ACAP2: variants seen among roughly 807,000 people sequenced by gnomAD.
ACAP2 encodes the protein arf-GAP with coiled-coil, ANK repeat and PH domain-containing protein 2.
In ACAP2, 39 loss-of-function variants were observed where a neutral mutation model predicts 115.8. The ratio of observed to expected loss-of-function variants is 0.34; its 90% CI spans 0.26 to 0.44. The LOEUF (loss-of-function observed/expected upper bound fraction) is 0.44, where lower values mean the gene tolerates loss of function less well. ACAP2 is among the 20% of genes least tolerant of loss of function. ACAP2 has a pLI of 1.00. For missense variants in ACAP2, 662 were observed against 927.6 expected (o/e 0.71, Z 3.72); for synonymous variants, 289 against 315.8 (o/e 0.92, Z 0.90).
chr3:195,290,157 A>G (rs1307723570), intron 20 of ACAP2, among the ~76,000 whole-genome samples: 3 of 152,190 alleles, frequency 2.0e-5, no homozygotes, highest in Non-Finnish European at 4.4e-5. Flanking sequence ...GAATCACTTG[A>G]GGTCAGAAGT....
intron 4 of ACAP2, among the ~76,000 whole-genome samples, chr3:195,348,199 T>C (rs138244817): frequency 2.6e-5 from 4 of 152,222 alleles, no homozygotes; most frequent in East Asian, 1.9e-4. Context: ...AAATGCAGCA[T>C]AATATACCTT....
chr3:195,436,133 AT>A (rs201946104), intron 1 of ACAP2, among the ~76,000 whole-genome samples: 6,987 of 110,382 alleles, frequency 0.063, 212 homozygotes, highest in African/African-American at 0.14. Flanking sequence ...ATATATATAT[AT>A]TTTTTTTTTT....
chr3:195,332,540 CTTCA>C (rs1266261771), intron 8 of ACAP2, among the ~76,000 whole-genome samples: 1 of 152,074 alleles, frequency 6.6e-6, no homozygotes, highest in East Asian at 1.9e-4. Flanking sequence ...CAACTTCATT[CTTCA>C]TTAAGTAAAT....
intron 8 of ACAP2, among the ~76,000 whole-genome samples, chr3:195,332,723 C>A (rs377629526): frequency 1.3e-5 from 2 of 152,140 alleles, no homozygotes; most frequent in African/African-American, 4.8e-5. Flanking sequence ...TGAGCTCTCA[C>A]GAGATCTGAT....
intron 10 of ACAP2, among the ~76,000 whole-genome samples, chr3:195,316,055 T>C (rs1577287680): frequency 6.6e-6 from 1 of 152,322 alleles, no homozygotes; most frequent in Middle Eastern, 3.4e-3. Context: ...TATGTTTCTA[T>C]GGATTTACTG....
At chr3:195,294,522 G>C (rs6778719) in intron 18 of ACAP2, among the ~76,000 whole-genome samples, 197 bp downstream of exon 18, 72,721 of 146,688 alleles carry the variant, frequency 0.5, 19,124 homozygotes, top group Middle Eastern at 0.7. Context: ...AGGTTGCAGT[G>C]AGCCAAGATC....
At position 195,299,792 on chromosome 3, in the gene ACAP2, C is replaced by T. The variant is rs187565203; in HGVS notation, c.1395+1783G>A. ...GGTGGAGCTTGCAGTGAGTCAAGAT[C>T]GCGCCACTGCACTCCAGCTTGGGCG... On this transcript the variant is annotated intron_variant, in intron 15 of 22. Coordinates refer to ENST00000326793, the MANE Select transcript of ACAP2 (RefSeq NM_012287.6). Among the ~76,000 whole-genome samples the T allele has an allele frequency of 3.3e-5, 5 of 150,828 alleles. No individual in the cohort carries two copies. In the East Asian group the frequency reaches 9.8e-4, roughly 30 times the overall value.
chr3:195,385,667 C>T (rs1361496233), intron 2 of ACAP2, among the ~76,000 whole-genome samples: 11 of 151,992 alleles, frequency 7.2e-5, no homozygotes, highest in African/African-American at 2.7e-4. Context: ...ATCCTGAGGT[C>T]TTGAAGAGCC....
rs888367247 is a variant in ACAP2 at position 195,289,231 on chromosome 3, C to T, written c.2064G>A (p.Gly688=). The change falls in exon 21 of 23, where the codon GGG becomes GGA. Residue 688 remains glycine (G), a splice_region_variant and synonymous_variant. Coordinates refer to ENST00000326793, the MANE Select transcript of ACAP2 (RefSeq NM_012287.6). ...LHHATVLGHT[G]QVCLFLKRGA... Reference sequence around the variant, plus strand: ...CTCGTTTTAGGAATAAACATACCTGCCTGTTTAAGAACACAGCATTTTTGA... The same window carrying T: ...CTCGTTTTAGGAATAAACATACCTGTCTGTTTAAGAACACAGCATTTTTGA... The T allele has an allele frequency of 6.2e-7, 1 of 1,604,756 alleles. No individual in the cohort carries two copies. Among genetic ancestry groups the T allele is most frequent in the Non-Finnish European group, 8.5e-7 (1 of 1,174,744 alleles).
chr3:195,393,243 GA>G (rs1316761226), intron 1 of ACAP2, among the ~76,000 whole-genome samples: 1 of 152,156 alleles, frequency 6.6e-6, no homozygotes, highest in Non-Finnish European at 1.5e-5. Flanking sequence ...GGCTGAGGTG[GA>G]AGGATCACTT....
At chr3:195,391,004 T>C (rs1269398862) in intron 2 of ACAP2, among the ~76,000 whole-genome samples, 1 of 152,128 alleles carries the variant, frequency 6.6e-6, no homozygotes, top group Non-Finnish European at 1.5e-5. Context: ...AGGGAATCAA[T>C]GTACATTTAC....
At chr3:195,404,453 T>C (rs1712569036) in intron 1 of ACAP2, among the ~76,000 whole-genome samples, 1 of 152,116 alleles carries the variant, frequency 6.6e-6, no homozygotes, top group African/African-American at 2.4e-5. Context: ...TATTGAATTA[T>C]AGGCAGCACA....
At chr3:195,324,589 A>G (rs1729652394) in intron 9 of ACAP2, among the ~76,000 whole-genome samples, 1 of 152,024 alleles carries the variant, frequency 6.6e-6, no homozygotes, top group Admixed American at 6.6e-5. Context: ...CCCCATCTCT[A>G]CTAAAAATAC....
intron 18 of ACAP2, among the ~76,000 whole-genome samples, chr3:195,292,881 C>T (rs1280912444): frequency 3.0e-5 from 4 of 133,110 alleles, no homozygotes; most frequent in African/African-American, 5.8e-5. Context: ...GAGATTGCAC[C>T]ACTGCACTCC....
At chr3:195,305,232 G>A (rs1363478225) in intron 13 of ACAP2, among the ~76,000 whole-genome samples, 3 of 152,098 alleles carry the variant, frequency 2.0e-5, no homozygotes, top group Non-Finnish European at 4.4e-5. Context: ...CCAGAAAGTA[G>A]AGCAAAACAA....
chr3:195,358,665 T>C (rs1456592053), intron 4 of ACAP2, among the ~76,000 whole-genome samples: 2 of 151,782 alleles, frequency 1.3e-5, no homozygotes, highest in East Asian at 3.9e-4. Context: ...GAGCCCTGTT[T>C]AAAAACAGAG....
chr3:195,335,706 AC>A (rs1475804195), intron 7 of ACAP2, among the ~76,000 whole-genome samples: 1 of 152,198 alleles, frequency 6.6e-6, no homozygotes, highest in African/African-American at 2.4e-5. Context: ...ATAAGATATA[AC>A]ACAAATATAT....
chr3:195,376,473 G>A (rs181453734), intron 4 of ACAP2, among the ~76,000 whole-genome samples: 1 of 152,034 alleles, frequency 6.6e-6, no homozygotes, highest in African/African-American at 2.4e-5. Context: ...AACCTGGAAG[G>A]TGGAAGTTGC....
intron 1 of ACAP2, among the ~76,000 whole-genome samples, chr3:195,415,988 TAAG>T (rs1713691010): frequency 6.6e-6 from 1 of 151,716 alleles, no homozygotes; most frequent in Non-Finnish European, 1.5e-5. Context: ...AATAGAAAAA[TAAG>T]AAGAAAATAT....
Sources: gnomAD v4.1 joint callset for allele counts (sites outside exome capture counted in the v4.1 genomes callset) on GRCh38, gnomAD v4.1.1 for gene constraint, MANE v1.5 for transcripts, NCBI Gene and HGNC (gene_info 2026-07-23, HGNC 2026-07-21) for gene names.